Variants in ROR1 observed in about 807,000 individuals in gnomAD.
The protein encoded by ROR1 is ROR family WNT receptor 1.
A neutral mutation model predicts 78.8 loss-of-function variants in ROR1; 19 were observed. That is an observed-to-expected ratio of 0.24 (90% CI 0.17 to 0.35). ROR1 has a LOEUF of 0.35. Ranked by LOEUF, ROR1 falls within the 10% of genes least tolerant of loss-of-function variation. The pLI is 1.00. For synonymous variants in ROR1, 386 were observed against 433.6 expected, an observed-to-expected ratio of 0.89 and a Z score of 1.36; for missense variants, 917 against 1,177.8, an observed-to-expected ratio of 0.78 and a Z score of 3.24.
rs36224861 is a variant in ROR1 at position 63,839,345 on chromosome 1, CATCTATCTATCTATCTATCT to C, written c.91+64875_91+64894del. On this transcript the variant is annotated intron_variant, in intron 1 of 8. Transcript: ENST00000371079. ...GGTAAAAGAATGTCTGTCTCCATAT[CATCTATCTATCTATCTATCT>C]ATCTATCTATCTATCTATCTATCTA... is the stretch of plus-strand genomic sequence containing the variant. 9.0e-4 allele frequency among the ~76,000 whole-genome samples: 132 copies of C among 147,174 alleles called. 1 individual carries two copies. Among genetic ancestry groups the C allele is most frequent in the African/African-American group, 2.5e-3 (99 of 39,662 alleles).
At chr1:64,136,567 T>C (rs1311995919) in intron 4 of ROR1, among the ~76,000 whole-genome samples, 1 of 152,044 alleles carries the variant, frequency 6.6e-6, no homozygotes, top group Non-Finnish European at 1.5e-5. Context: ...ATCTTGGGTC[T>C]TCATCTCCAG....
At chr1:64,016,596 A>G (rs981353434) in intron 2 of ROR1, among the ~76,000 whole-genome samples, 5 of 152,072 alleles carry the variant, frequency 3.3e-5, no homozygotes, top group Admixed American at 2.0e-4. Context: ...TCCTTGCAGC[A>G]AAAGGAAATG....
chr1:63,959,155 AAGG>A (rs1230244080), intron 1 of ROR1, among the ~76,000 whole-genome samples: 1 of 152,194 alleles, frequency 6.6e-6, no homozygotes, highest in Non-Finnish European at 1.5e-5. Context: ...CACAAGCAGC[AAGG>A]AGAAGAAGAA....
intron 2 of ROR1, among the ~76,000 whole-genome samples, chr1:64,019,514 G>T (rs1039246545): frequency 6.6e-6 from 1 of 152,188 alleles, no homozygotes; most frequent in Admixed American, 6.5e-5. Flanking sequence ...AGGGTAGATT[G>T]ATAGTGATAT....
chr1:64,086,635 C>T (rs1647157588), intron 4 of ROR1, among the ~76,000 whole-genome samples: 1 of 152,110 alleles, frequency 6.6e-6, no homozygotes, highest in Non-Finnish European at 1.5e-5. Context: ...CCTTTGGCTC[C>T]CCCAGCTAGA....
intron 4 of ROR1, among the ~76,000 whole-genome samples, chr1:64,062,202 G>A (rs1646922832): frequency 6.6e-6 from 1 of 152,206 alleles, no homozygotes; most frequent in African/African-American, 2.4e-5. Context: ...TATGTTGGGT[G>A]ACTGCCTGTG....
chr1:64,084,775 C>T (rs1321055363), intron 4 of ROR1, among the ~76,000 whole-genome samples: 2 of 152,198 alleles, frequency 1.3e-5, no homozygotes, highest in African/African-American at 2.4e-5. Flanking sequence ...GCTCTTTATT[C>T]TGCTGACTTT....
At chr1:63,777,581 CT>C (rs1644625122) in intron 1 of ROR1, among the ~76,000 whole-genome samples, 1 of 152,134 alleles carries the variant, frequency 6.6e-6, no homozygotes. Context: ...GATAATCTGC[CT>C]GATATTTAGT....
intron 7 of ROR1, among the ~76,000 whole-genome samples, chr1:64,152,606 G>T (rs2100723509): frequency 6.6e-6 from 1 of 152,208 alleles, no homozygotes; most frequent in Middle Eastern, 3.4e-3. Flanking sequence ...TAGTAGATTT[G>T]TCTAATCATG....
Position 63,774,248 on chromosome 1 carries a change from C to T in ROR1, c.-170C>T. The stretch of plus-strand genomic sequence containing the variant: ...CGCGCTCGCGGCATCCAGAGGCGGC[C>T]AGGCGGAGGCGAGGGAGCAGGTTAG... On this transcript the variant is annotated 5_prime_UTR_variant, in exon 1 of 9. Coordinates refer to ENST00000371079, the MANE Select transcript of ROR1 (RefSeq NM_005012.4). The surrounding 1 kb of genome is among the most constrained non-coding windows in gnomAD (Gnocchi z 5.7). The T allele has an allele frequency of 3.3e-6, 1 of 300,892 alleles. No individual in the cohort carries two copies. The allele number at this position is 300,892 out of a possible 1,614,324, so 18.6% of individuals were successfully genotyped here. A position where few individuals can be genotyped will look rare whatever the true frequency, so the allele number is the denominator to read the frequency against.
chr1:63,796,717 G>A (rs1644763180), intron 1 of ROR1, among the ~76,000 whole-genome samples: 1 of 152,146 alleles, frequency 6.6e-6, no homozygotes, highest in Non-Finnish European at 1.5e-5. Flanking sequence ...TCTTCCTTTT[G>A]CCTCCTTTGT....
At chr1:64,141,737 G>A (rs1649322166) in intron 6 of ROR1, among the ~76,000 whole-genome samples, 1 of 152,110 alleles carries the variant, frequency 6.6e-6, no homozygotes, top group Non-Finnish European at 1.5e-5. Flanking sequence ...AAGTAAATGA[G>A]TGCATCTAAA....
At chr1:63,834,392 A>C (rs192619839) in intron 1 of ROR1, among the ~76,000 whole-genome samples, 1 of 151,760 alleles carries the variant, frequency 6.6e-6, no homozygotes, top group Admixed American at 6.6e-5. Context: ...TTTCTAGTTG[A>C]TGTTACTGTT....
intron 1 of ROR1, among the ~76,000 whole-genome samples, chr1:63,894,978 TC>T (rs1437605424): frequency 6.6e-6 from 1 of 152,156 alleles, no homozygotes; most frequent in Non-Finnish European, 1.5e-5. Context: ...CTAGAAAAAC[TC>T]CTGGACGTGG....
Position 64,126,804 on chromosome 1 carries a change from A to G in ROR1, c.483-10565A>G, listed in dbSNP as rs187792548. The stretch of plus-strand genomic sequence containing the variant: ...TACTTGGCTGGCATTTTTCCTGGCC[A>G]TATCTAGGAAGTGAGAACAGTCCTT... On this transcript the variant is annotated intron_variant, in intron 4 of 8. Coordinates refer to ENST00000371079, the MANE Select transcript of ROR1 (RefSeq NM_005012.4). Among the ~76,000 whole-genome samples the G allele has an allele frequency of 9.2e-5, 14 of 152,230 alleles. No homozygotes were observed. In the East Asian group the frequency reaches 2.5e-3, roughly 27 times the overall value.
chr1:63,805,907 T>C (rs1644825552), intron 1 of ROR1, among the ~76,000 whole-genome samples: 1 of 152,130 alleles, frequency 6.6e-6, no homozygotes, highest in African/African-American at 2.4e-5. Flanking sequence ...TAGTCCCAAA[T>C]ACTAGGAAGG....
At chr1:64,008,279 T>C (rs1291200776) in intron 1 of ROR1, among the ~76,000 whole-genome samples, 1 of 152,228 alleles carries the variant, frequency 6.6e-6, no homozygotes, top group African/African-American at 2.4e-5. Context: ...TCCATGTTGC[T>C]ACAAAGGACA....
At chr1:63,847,170 G>T (rs1475448559) in intron 1 of ROR1, among the ~76,000 whole-genome samples, 1 of 152,146 alleles carries the variant, frequency 6.6e-6, no homozygotes, top group Non-Finnish European at 1.5e-5. Context: ...GAGGTGTTGG[G>T]GCTGTATGTG....
chr1:63,806,766 C>A (rs139380801), intron 1 of ROR1, among the ~76,000 whole-genome samples: 3 of 152,082 alleles, frequency 2.0e-5, no homozygotes, highest in African/African-American at 7.2e-5. Context: ...TTCAAGTTTT[C>A]TTTCCTTGTC....
Sources: allele counts gnomAD v4.1 joint callset (sites outside exome capture counted in the v4.1 genomes callset), GRCh38; gene constraint gnomAD v4.1.1; non-coding constraint Gnocchi (gnomAD v3.1); transcripts MANE v1.5; gene names NCBI Gene and HGNC (gene_info 2026-07-23, HGNC 2026-07-21).